The following RAD51B variants were observed in gnomAD, a reference collection of about 807,000 sequenced individuals.
RAD51B encodes the protein DNA repair protein RAD51 homolog 2.
In RAD51B, 38 loss-of-function variants were observed where a neutral mutation model predicts 42.2. The observed-to-expected ratio is 0.90, with a 90% CI of 0.70 to 1.18. The LOEUF (loss-of-function observed/expected upper bound fraction) is 1.18. Ranked by LOEUF, RAD51B falls within the 50% of genes most tolerant of loss-of-function variation. RAD51B has a pLI of 0.00. For synonymous variants in RAD51B, 154 were observed against 145.2 expected (o/e 1.06, Z -0.43); for missense variants, 373 against 400.7 (o/e 0.93, Z 0.59).
At chr14:68,667,221 G>C (rs1334903904) in intron 11 of RAD51B, among the ~76,000 whole-genome samples, 1 of 152,252 alleles carries the variant, frequency 6.6e-6, no homozygotes, top group African/African-American at 2.4e-5. Context: ...TGGAGAGCAA[G>C]TAAGAGTTGA....
intron 10 of RAD51B, among the ~76,000 whole-genome samples, chr14:68,542,042 A>T (rs1420749457): frequency 6.6e-6 from 1 of 152,224 alleles, no homozygotes; most frequent in Non-Finnish European, 1.5e-5. Flanking sequence ...TATGTACATT[A>T]TAAAACATAT....
At chr14:68,408,883 A>G (rs1451135642) in intron 8 of RAD51B, among the ~76,000 whole-genome samples, 2 of 152,148 alleles carry the variant, frequency 1.3e-5, no homozygotes, top group African/African-American at 4.8e-5. Flanking sequence ...GAGATCCTGG[A>G]TGAATTCTCG....
chr14:68,336,996 A>G (rs2082468964), intron 8 of RAD51B, among the ~76,000 whole-genome samples: 2 of 152,240 alleles, frequency 1.3e-5, no homozygotes, highest in Non-Finnish European at 2.9e-5. Context: ...GAAAAGTTCC[A>G]TGTTCTAACT....
chr14:68,577,647 G>A (rs1486926547), intron 10 of RAD51B, among the ~76,000 whole-genome samples: 4 of 152,016 alleles, frequency 2.6e-5, no homozygotes, highest in South Asian at 2.1e-4. Context: ...CTCATGATCC[G>A]CCTACCACGG....
intron 10 of RAD51B, among the ~76,000 whole-genome samples, chr14:68,567,640 G>C (rs1310929167): frequency 6.6e-6 from 1 of 152,178 alleles, no homozygotes; most frequent in Non-Finnish European, 1.5e-5. Context: ...TCTGTGCTCT[G>C]TGTATACCTA....
chr14:68,468,344 C>A, intron 10 of RAD51B, 94 bp downstream of exon 10: 1 of 1,330,736 alleles, frequency 7.5e-7, no homozygotes, highest in Non-Finnish European at 1.1e-6. Flanking sequence ...TAGAAGCTAG[C>A]TCCAGACAGA....
At chr14:68,149,323 A>G (rs944212251) in intron 7 of RAD51B, among the ~76,000 whole-genome samples, 9 of 152,044 alleles carry the variant, frequency 5.9e-5, no homozygotes, top group African/African-American at 2.2e-4. Flanking sequence ...TGGAATTTTT[A>G]TAGTTTGCAT....
At chr14:68,491,228 G>A (rs995885575) in intron 10 of RAD51B, among the ~76,000 whole-genome samples, 1 of 152,128 alleles carries the variant, frequency 6.6e-6, no homozygotes, top group Non-Finnish European at 1.5e-5. Flanking sequence ...CCCCAGGCCC[G>A]CAGCCGCCCT....
chr14:68,257,162 T>A (rs1186422054), intron 7 of RAD51B, among the ~76,000 whole-genome samples: 1 of 152,184 alleles, frequency 6.6e-6, no homozygotes, highest in Non-Finnish European at 1.5e-5. Flanking sequence ...AATTCATAGA[T>A]ACAGAAAGTA....
intron 7 of RAD51B, among the ~76,000 whole-genome samples, chr14:68,166,114 G>A (rs923488382): frequency 2.0e-5 from 3 of 147,444 alleles, no homozygotes; most frequent in South Asian, 2.1e-4. Flanking sequence ...TCTGTATTCT[G>A]TTTTCAGCTT....
At chr14:68,354,898 G>A (rs1309476562) in intron 8 of RAD51B, among the ~76,000 whole-genome samples, 2 of 152,110 alleles carry the variant, frequency 1.3e-5, no homozygotes, top group Non-Finnish European at 2.9e-5. Flanking sequence ...TCTGAGGTCT[G>A]AAATGCCAAG....
At chr14:67,954,048 C>A (rs1431842704) in intron 7 of RAD51B, among the ~76,000 whole-genome samples, 1 of 152,130 alleles carries the variant, frequency 6.6e-6, no homozygotes, top group African/African-American at 2.4e-5. Flanking sequence ...GGAAGTCTCT[C>A]TTGAGGTGTG....
intron 4 of RAD51B, among the ~76,000 whole-genome samples, chr14:67,841,746 C>T (rs2041436722): frequency 6.6e-6 from 1 of 152,102 alleles, no homozygotes; most frequent in Admixed American, 6.6e-5. Flanking sequence ...GGTTTCATTT[C>T]TGGGTTCTCT....
intron 10 of RAD51B, among the ~76,000 whole-genome samples, chr14:68,601,487 A>T (rs1473895175): frequency 2.6e-5 from 4 of 152,168 alleles, no homozygotes; most frequent in Admixed American, 1.3e-4. Flanking sequence ...GTTTTTGAGC[A>T]CTTGGAGTTC....
At chr14:67,857,309 T>C (rs1044706244) in intron 4 of RAD51B, among the ~76,000 whole-genome samples, 5 of 152,216 alleles carry the variant, frequency 3.3e-5, no homozygotes, top group Non-Finnish European at 7.3e-5. Flanking sequence ...TAAATGCTAC[T>C]ATCCAAACTC....
At chr14:68,482,527 C>T (rs1318040974), downstream of RAD51B, among the ~76,000 whole-genome samples, 1 of 152,102 alleles carries the variant, frequency 6.6e-6, no homozygotes, top group Admixed American at 6.5e-5. Context: ...AGGAGAAGTG[C>T]AAAATATCTG....
At chr14:68,025,337 A>T (rs1024749126) in intron 7 of RAD51B, among the ~76,000 whole-genome samples, 1 of 152,076 alleles carries the variant, frequency 6.6e-6, no homozygotes, top group Non-Finnish European at 1.5e-5. Flanking sequence ...AGATTCTGGT[A>T]TCAGGTAATG....
At chr14:68,091,337 T>A (rs2077096117) in intron 7 of RAD51B, among the ~76,000 whole-genome samples, 1 of 152,108 alleles carries the variant, frequency 6.6e-6, no homozygotes, top group African/African-American at 2.4e-5. Flanking sequence ...AAGTGTTCCT[T>A]TTTCTCCATA....
chr14:68,121,481 A>G (rs922227143), intron 7 of RAD51B, among the ~76,000 whole-genome samples: 2 of 152,156 alleles, frequency 1.3e-5, no homozygotes, highest in South Asian at 4.1e-4. Context: ...AGGATCCACA[A>G]TCCTTAGCTT....
Sources: gnomAD v4.1 joint callset for allele counts (sites outside exome capture counted in the v4.1 genomes callset) on GRCh38, gnomAD v4.1.1 for gene constraint, MANE v1.5 for transcripts, NCBI Gene and HGNC (gene_info 2026-07-23, HGNC 2026-07-21) for gene names.